Variants in ADA2 observed in about 807,000 individuals in gnomAD.
ADA2 encodes the protein adenosine deaminase 2.
A neutral mutation model predicts 44.2 loss-of-function variants in ADA2; 29 were observed. The ratio of observed to expected loss-of-function variants is 0.66; its 90% CI spans 0.49 to 0.89. The LOEUF (loss-of-function observed/expected upper bound fraction) is 0.89, where lower values mean the gene tolerates loss of function less well. Ranked by LOEUF, ADA2 falls within the 40% of genes least tolerant of loss-of-function variation. ADA2 has a pLI of 0.00. For synonymous variants in ADA2, 215 were observed against 234.9 expected (o/e 0.92, Z 0.77); for missense variants, 637 against 644.8 (o/e 0.99, Z 0.13).
rs558205738 is a variant in ADA2 at position 17,181,806 on chromosome 22, C to T, written c.1442+14G>A. The T allele has an allele frequency of 1.2e-5, 20 of 1,609,502 alleles. 1 individual carries two copies. The South Asian group carries it at 1.6e-4, about 13-fold the overall frequency. On this transcript the variant is annotated intron_variant, in intron 9 of 9. Coordinates refer to ENST00000399837, the MANE Select transcript of ADA2 (RefSeq NM_001282225.2). ...GAAGGAGGCGGGGGACCTGGGAGGA[C>T]ACAGGACACTCACTTGATAGAGTTC...
rs1270741807 is a variant in ADA2 at position 17,181,505 on chromosome 22, A to G, written c.1514T>C (p.Ile505Thr). 1.2e-6 allele frequency: 2 copies of G among 1,612,726 alleles called. No homozygotes were observed. Among genetic ancestry groups the G allele is most frequent in the East Asian group, 2.2e-5 (1 of 44,894 alleles). Residue 505 changes from isoleucine to threonine, a missense_variant, in exon 10 of 10, where the codon ATA becomes ACA. Physicochemically the swap from Ile to Thr is moderately conservative, Grantham distance 89. Transcript: ENST00000399837. ...TCCTCACTTTGTAGCCACATCTGCT[A>G]TGAACTTATCCCATCTCTTCTTCCA... ...EIWKKRWDKF[I>T]ADVATK is the part of the protein sequence containing the mutation.
intron 3 of ADA2, 91 bp downstream of exon 3, chr22:17,206,980 T>C: frequency 1.0e-6 from 1 of 977,050 alleles, no homozygotes; most frequent in South Asian, 1.5e-5. Flanking sequence ...TAAAGCCAGA[T>C]TTTTATCTAT....
intron 1 of ADA2, 167 bp from the exon 2 acceptor site, chr22:17,209,890 T>A (rs1393580259): frequency 8.4e-5 from 10 of 119,758 alleles, no homozygotes; most frequent in African/African-American, 3.2e-4. Flanking sequence ...GGTTTCCCAA[T>A]TTTTTTTTTT....
intron 7 of ADA2, 44 bp downstream of exon 7, chr22:17,188,295 C>G (rs1395174650): frequency 2.1e-6 from 3 of 1,436,532 alleles, no homozygotes; most frequent in Non-Finnish European, 2.9e-6. Context: ...GGAGCTCTCC[C>G]ATTGACCACC....
chr22:17,191,678 C>T lies in ADA2; in HGVS notation c.881+5G>A, dbSNP rs763864568. ...CCCGAGCTTTTCAGCAATATTCTCTCTCACCTGTGATCCGAATAAATGATT... is the reference window on the plus strand; with the variant it reads ...CCCGAGCTTTTCAGCAATATTCTCTTTCACCTGTGATCCGAATAAATGATT... On this transcript the variant is annotated splice_donor_5th_base_variant and intron_variant, in intron 5 of 9. Transcript: ENST00000399837. The T allele has an allele frequency of 3.1e-6, 5 of 1,613,202 alleles. No homozygotes were observed. The South Asian group carries it at 5.5e-5, about 18-fold the overall frequency.
upstream of ADA2, among the ~76,000 whole-genome samples, chr22:17,220,863 G>A (rs2062517906): frequency 1.3e-5 from 2 of 152,186 alleles, no homozygotes; most frequent in Non-Finnish European, 2.9e-5. Context: ...AGAGGGGTCA[G>A]GGATTCCCTC....
At chr22:17,210,081 G>A (rs2062402743) in intron 1 of ADA2, among the ~76,000 whole-genome samples, 2 of 151,866 alleles carry the variant, frequency 1.3e-5, no homozygotes, top group East Asian at 1.9e-4. Context: ...TAGTAGAGAC[G>A]GGGTTTCACT....
At chr22:17,193,497 T>G (rs2062150465) in intron 4 of ADA2, among the ~76,000 whole-genome samples, 1 of 150,444 alleles carries the variant, frequency 6.6e-6, no homozygotes, top group African/African-American at 2.5e-5. Flanking sequence ...AAACCTCGTC[T>G]CTACTAAAAA....
At chr22:17,218,164 T>A in intron 1 of ADA2, among the ~76,000 whole-genome samples, 1 of 152,190 alleles carries the variant, frequency 6.6e-6, no homozygotes, top group East Asian at 1.9e-4. Flanking sequence ...ACCCATGATA[T>A]CGTAACTATT....
chr22:17,183,099 T>C (rs530814552), intron 7 of ADA2, among the ~76,000 whole-genome samples: 1 of 152,284 alleles, frequency 6.6e-6, no homozygotes, highest in East Asian at 1.9e-4. Context: ...TGTTGTTGTT[T>C]TTTGAGACAC....
intron 1 of ADA2, 120 bp downstream of exon 1, chr22:17,219,236 G>A (rs1382096980): frequency 1.3e-5 from 2 of 152,310 alleles, no homozygotes; most frequent in East Asian, 3.8e-4. Context: ...TCCACTGAGA[G>A]TCTCAGACCC....
At chr22:17,187,266 T>G (rs2062046609) in intron 7 of ADA2, among the ~76,000 whole-genome samples, 1 of 151,926 alleles carries the variant, frequency 6.6e-6, no homozygotes, top group Non-Finnish European at 1.5e-5. Flanking sequence ...GTGATCCTCC[T>G]GCCTCTGCCT....
At chr22:17,208,810 A>T (rs572685975) in intron 2 of ADA2, among the ~76,000 whole-genome samples, 23 of 149,608 alleles carry the variant, frequency 1.5e-4, no homozygotes, top group South Asian at 2.1e-4. Flanking sequence ...CTCAAAAAAA[A>T]TTTTTTTTAA....
intron 4 of ADA2, 111 bp from the exon 5 acceptor site, chr22:17,191,921 C>G: frequency 9.1e-7 from 1 of 1,093,822 alleles, no homozygotes; most frequent in Admixed American, 2.7e-5. Flanking sequence ...CCCAACCACC[C>G]CCTTCCCAGC....
At chr22:17,204,493 G>A (rs1221474245) in intron 3 of ADA2, among the ~76,000 whole-genome samples, 2 of 152,068 alleles carry the variant, frequency 1.3e-5, no homozygotes, top group South Asian at 2.1e-4. Context: ...GTTTGTCCCT[G>A]TAATCCCAGT....
intron 6 of ADA2, among the ~76,000 whole-genome samples, chr22:17,189,019 C>CT (rs71200243): frequency 0.012 from 1,193 of 102,904 alleles, 16 homozygotes; most frequent in Non-Finnish European, 0.017. Flanking sequence ...AATCTAGATT[C>CT]TTTTTTTTTT....
intron 4 of ADA2, among the ~76,000 whole-genome samples, chr22:17,198,422 A>G (rs1076103): frequency 0.045 from 6,854 of 152,256 alleles, 201 homozygotes; most frequent in South Asian, 0.099. Context: ...AGTCCTGTCA[A>G]AAAGGGAGCA....
At position 17,183,955 on chromosome 22, in the gene ADA2, C is replaced by CTGT. The variant is rs1555884360; in HGVS notation, c.1082-1195_1082-1194insACA. On this transcript the variant is annotated intron_variant, in intron 7 of 9. Coordinates refer to ENST00000399837, the MANE Select transcript of ADA2 (RefSeq NM_001282225.2). ...CCCCTGCCATCCCCATCACACCTTT[C>CTGT]TTTTTTTTTTTTTTTTTTTTTGAGA... Among the ~76,000 whole-genome samples the CTGT allele has an allele frequency of 5.8e-4, 46 of 79,756 alleles. 1 individual carries two copies. The highest frequency in any genetic ancestry group is 2.3e-3 in the African/African-American group (44 of 19,028). The allele number at this position is 79,756 out of a possible 152,430, so 52.3% of individuals were successfully genotyped here.
intron 7 of ADA2, among the ~76,000 whole-genome samples, chr22:17,183,454 CTCTTTTT>C (rs2061996604): frequency 2.6e-5 from 2 of 76,138 alleles, no homozygotes; most frequent in Non-Finnish European, 5.5e-5. Flanking sequence ...TTTTGTGGCA[CTCTTTTT>C]TTTTTTTTTT....
Sources: gnomAD v4.1 joint callset for allele counts (sites outside exome capture counted in the v4.1 genomes callset) on GRCh38, gnomAD v4.1.1 for gene constraint, MANE v1.5 for transcripts, NCBI Gene and HGNC (gene_info 2026-07-23, HGNC 2026-07-21) for gene names.